The following RSPRY1 variants were observed in gnomAD, a reference collection of about 807,000 sequenced individuals.
RSPRY1 encodes RING finger and SPRY domain-containing protein 1.
In RSPRY1, 23 loss-of-function variants were observed where a neutral mutation model predicts 73.1. The ratio of observed to expected loss-of-function variants is 0.31; its 90% confidence interval spans 0.23 to 0.45. The LOEUF (loss-of-function observed/expected upper bound fraction) is 0.45, where lower values mean the gene tolerates loss of function less well. Ranked by LOEUF, RSPRY1 falls within the 20% of genes least tolerant of loss-of-function variation. The pLI is 1.00. For missense variants in RSPRY1, 448 were observed against 698.7 expected, an observed-to-expected ratio of 0.64 and a Z score of 4.05; for synonymous variants, 226 against 251.4, an observed-to-expected ratio of 0.90 and a Z score of 0.95.
intron 7 of RSPRY1, chr16:57,216,505 G>A (rs2074942676): frequency 3.0e-6 from 1 of 333,844 alleles, no homozygotes; most frequent in Non-Finnish European, 5.5e-6. Flanking sequence ...ATTGCTTCAG[G>A]CCAGGAATTC....
chr16:57,191,422 T>C (rs2146153151), intron 1 of RSPRY1, among the ~76,000 whole-genome samples: 1 of 152,304 alleles, frequency 6.6e-6, no homozygotes, highest in African/African-American at 2.4e-5. Flanking sequence ...TGGAGTTTAC[T>C]GTGGTCTCTT....
intron 5 of RSPRY1, among the ~76,000 whole-genome samples, chr16:57,213,508 G>A (rs969000543): frequency 6.6e-6 from 1 of 152,218 alleles, no homozygotes; most frequent in Non-Finnish European, 1.5e-5. Flanking sequence ...CTTCTGGTTG[G>A]AGCAGTTCCT....
intron 1 of RSPRY1, among the ~76,000 whole-genome samples, chr16:57,200,639 G>C (rs1202048009): frequency 1.4e-5 from 2 of 143,424 alleles, no homozygotes; most frequent in African/African-American, 5.2e-5. Flanking sequence ...CCTCCCGGAC[G>C]GGGCGGCTGG....
chr16:57,232,334 G>A (rs2075236362), intron 13 of RSPRY1, among the ~76,000 whole-genome samples: 1 of 152,210 alleles, frequency 6.6e-6, no homozygotes, highest in African/African-American at 2.4e-5. Flanking sequence ...GATGATGGTA[G>A]TGTTGTCTGC....
intron 1 of RSPRY1, among the ~76,000 whole-genome samples, chr16:57,202,155 T>TA (rs1486653571): frequency 7.4e-6 from 1 of 135,122 alleles, no homozygotes; most frequent in African/African-American, 2.8e-5. Flanking sequence ...ACCCCATCTC[T>TA]AAAAAAATAA....
intron 1 of RSPRY1, among the ~76,000 whole-genome samples, chr16:57,195,756 C>T (rs1183377418): frequency 1.3e-5 from 2 of 151,092 alleles, no homozygotes; most frequent in East Asian, 1.9e-4. Flanking sequence ...GGCACGGTGG[C>T]TCACACCTGT....
intron 10 of RSPRY1, 104 bp from the exon 11 acceptor site, chr16:57,227,238 C>T: frequency 1.3e-6 from 1 of 754,090 alleles, no homozygotes. Flanking sequence ...ATCCAGAAAG[C>T]TTAGAATCCC....
intron 10 of RSPRY1, among the ~76,000 whole-genome samples, chr16:57,224,706 T>C (rs2075093792): frequency 6.6e-6 from 1 of 152,246 alleles, no homozygotes; most frequent in Admixed American, 6.5e-5. Flanking sequence ...CAGAGGCATC[T>C]TCTCCTTAAA....
At chr16:57,228,075 A>G (rs754458342) in intron 11 of RSPRY1, among the ~76,000 whole-genome samples, 1 of 152,110 alleles carries the variant, frequency 6.6e-6, no homozygotes, top group Non-Finnish European at 1.5e-5. Context: ...GGAGTTCAAG[A>G]CCAGCCTGGC....
Position 57,208,400 on chromosome 16 carries a change from A to ATTTTT in RSPRY1, c.403+301_403+305dup, listed in dbSNP as rs1455912780. Among the ~76,000 whole-genome samples the ATTTTT allele has an allele frequency of 2.1e-3, 103 of 50,110 alleles. 1 individual carries two copies. The highest frequency in any genetic ancestry group is 8.5e-3 in the African/African-American group (99 of 11,596). The allele number at this position is 50,110 out of a possible 152,430, so 32.9% of individuals were successfully genotyped here. A position where few individuals can be genotyped will look rare whatever the true frequency, so the allele number is the denominator to read the frequency against. Reference sequence around the variant, plus strand: ...TTTATATATATATATATATATATATATTTTTTTTTTTTTTTGAGACAGAGT... The same window carrying ATTTTT: ...TTTATATATATATATATATATATATATTTTTTTTTTTTTTTTTTTTGAGACAGAGT... On this transcript the variant is annotated intron_variant, in intron 3 of 14. Transcript: ENST00000394420.
At chr16:57,207,697 G>A in intron 2 of RSPRY1, 1 of 465,294 alleles carries the variant, frequency 2.1e-6, no homozygotes, top group South Asian at 1.5e-5. Flanking sequence ...TAAGTATGAA[G>A]GTGATGTTGA....
intron 8 of RSPRY1, 37 bp from the exon 9 acceptor site, chr16:57,220,695 G>T: frequency 7.2e-7 from 1 of 1,394,722 alleles, no homozygotes; most frequent in East Asian, 2.3e-5. Flanking sequence ...CTCCACAGCA[G>T]CCTGCCTTAG....
intron 12 of RSPRY1, 110 bp downstream of exon 12, chr16:57,230,923 A>G: frequency 1.3e-6 from 1 of 740,810 alleles, no homozygotes; most frequent in Non-Finnish European, 2.2e-6. Flanking sequence ...TGAGAAATTG[A>G]TTAATTTCAA....
Position 57,240,059 on chromosome 16 carries a change from G to A in RSPRY1, c.*1084G>A, listed in dbSNP as rs1357728458. 3.3e-5 allele frequency: 5 copies of A among 152,098 alleles called. No homozygotes were observed. The highest frequency in any genetic ancestry group is 1.2e-4 in the African/African-American group (5 of 41,412). 9.4% of individuals were successfully genotyped at this position (152,098 alleles called of 1,614,324 possible). A position where few individuals can be genotyped will look rare whatever the true frequency, so the allele number is the denominator to read the frequency against. On this transcript the variant is annotated 3_prime_UTR_variant, in exon 15 of 15. Transcript: ENST00000394420. ...TTTGGTTTTTTCTCCCAGGAAATTG[G>A]AAGGTAGAATTGTAAATTCATAGAA... is the stretch of plus-strand genomic sequence containing the variant.
chr16:57,211,387 T>C lies in RSPRY1; in HGVS notation c.517-1585T>C, dbSNP rs369463377. ...GAGTTCAAGACCAGCCTGGCCAACA[T>C]GGTGAAACCTCATCTCTACTAAAAA... On this transcript the variant is annotated intron_variant, in intron 4 of 14. Transcript: ENST00000394420. 5.3e-5 allele frequency among the ~76,000 whole-genome samples: 8 copies of C among 151,848 alleles called. No individual in the cohort carries two copies. The East Asian group carries it at 1.4e-3, about 26-fold the overall frequency.
At chr16:57,214,900 G>GT (rs754528604) in intron 6 of RSPRY1, among the ~76,000 whole-genome samples, 3 of 152,198 alleles carry the variant, frequency 2.0e-5, no homozygotes, top group Non-Finnish European at 4.4e-5. Context: ...ATGGTGGCAT[G>GT]TGTGTGTAGT....
chr16:57,200,059 A>G lies in RSPRY1; in HGVS notation c.-155-4445A>G, dbSNP rs1307327143. The stretch of plus-strand genomic sequence containing the variant: ...TAGGCAGAGGACCCTGCGGCCTTCC[A>G]CAGTGTTTGTGTCCCTGGGTACTTG... On this transcript the variant is annotated intron_variant, in intron 1 of 14. Transcript: ENST00000394420. Among the ~76,000 whole-genome samples, 6 of 147,816 alleles carry G rather than the reference A, an allele frequency of 4.1e-5. No individual in the cohort carries two copies. In the East Asian group the frequency reaches 7.9e-4, roughly 19 times the overall value.
rs202149086 is a variant in RSPRY1 at position 57,212,977 on chromosome 16, A to G, written c.522A>G (p.Ala174=). 2 of 1,613,698 alleles carry G rather than the reference A, an allele frequency of 1.2e-6. No homozygotes were observed. The highest frequency in any genetic ancestry group is 1.7e-6 in the Non-Finnish European group (2 of 1,179,834). ...CTTGTACTTTTTTGTTTTAGGATGCACTCCAGAAATTGACTGAAATTCTCA... is the reference window on the plus strand; with the variant it reads ...CTTGTACTTTTTTGTTTTAGGATGCGCTCCAGAAATTGACTGAAATTCTCA... ...LDECPLPTKD[A]LQKLTEILNL... The change falls in exon 5 of 15, where the codon GCA becomes GCG. Residue 174 remains alanine, a synonymous_variant. Coordinates refer to ENST00000394420, the MANE Select transcript of RSPRY1 (RefSeq NM_133368.3).
chr16:57,200,367 C>G (rs1442204840), intron 1 of RSPRY1, among the ~76,000 whole-genome samples: 2 of 152,146 alleles, frequency 1.3e-5, no homozygotes, highest in South Asian at 4.1e-4. Context: ...TCCCCCCTTT[C>G]TATTCCACAA....
Sources: allele counts gnomAD v4.1 joint callset (sites outside exome capture counted in the v4.1 genomes callset), GRCh38; gene constraint gnomAD v4.1.1; transcripts MANE v1.5; gene names NCBI Gene and HGNC (gene_info 2026-07-23, HGNC 2026-07-21).